TRPM3: variants seen among roughly 807,000 people sequenced by gnomAD.
The protein encoded by TRPM3 is long transient receptor potential channel 3.
In TRPM3, 77 loss-of-function variants were observed where a neutral mutation model predicts 181.2. The ratio of observed to expected loss-of-function variants is 0.42; its 90% CI spans 0.35 to 0.51. The LOEUF is 0.51. TRPM3 is among the 20% of genes least tolerant of loss of function. The pLI is 0.01. For synonymous variants in TRPM3, 745 were observed against 796.4 expected (o/e 0.94, Z 1.09); for missense variants, 1,759 against 2,196.7 (o/e 0.80, Z 3.98).
intron 1 of TRPM3, among the ~76,000 whole-genome samples, chr9:70,977,731 A>G (rs959000193): frequency 6.6e-6 from 1 of 152,176 alleles, no homozygotes; most frequent in African/African-American, 2.4e-5. Context: ...AGAACAGCTC[A>G]TGGAACTCAG....
chr9:70,852,672 A>G (rs1432290300), intron 3 of TRPM3, among the ~76,000 whole-genome samples: 1 of 152,070 alleles, frequency 6.6e-6, no homozygotes, highest in Non-Finnish European at 1.5e-5. Flanking sequence ...GGACCATATT[A>G]TTTCTCAATT....
At chr9:71,318,292 T>C (rs1188953561) in intron 1 of TRPM3, among the ~76,000 whole-genome samples, 2 of 152,182 alleles carry the variant, frequency 1.3e-5, no homozygotes, top group African/African-American at 2.4e-5. Flanking sequence ...GTTCCATGAA[T>C]ATGTCATTAT....
At chr9:70,658,119 A>C (rs1303741140) in intron 9 of TRPM3, among the ~76,000 whole-genome samples, 1 of 152,174 alleles carries the variant, frequency 6.6e-6, no homozygotes, top group Non-Finnish European at 1.5e-5. Context: ...ATTGTTTATA[A>C]AATTTTGAAA....
Position 70,809,989 on chromosome 9 carries a change from T to G in TRPM3, c.973+17858A>C, listed in dbSNP as rs779027118. On this transcript the variant is annotated intron_variant, in intron 6 of 25. Coordinates refer to ENST00000677713, the MANE Select transcript of TRPM3 (RefSeq NM_001366145.2). The stretch of plus-strand genomic sequence containing the variant: ...TCAAAAAAGATGCCAGTGATGACAA[T>G]TGAACGTCCCTTTGCCTTCCCAGCC... 5.6e-6 allele frequency: 3 copies of G among 534,566 alleles called. No individual in the cohort carries two copies. In the African/African-American group the frequency reaches 5.8e-5, roughly 10 times the overall value. The allele number at this position is 534,566 out of a possible 1,614,324, so 33.1% of individuals were successfully genotyped here. A position where few individuals can be genotyped will look rare whatever the true frequency, so the allele number is the denominator to read the frequency against.
At chr9:71,039,653 G>C (rs1408750247) in intron 1 of TRPM3, among the ~76,000 whole-genome samples, 1 of 152,074 alleles carries the variant, frequency 6.6e-6, no homozygotes, top group Non-Finnish European at 1.5e-5. Context: ...GACATAAACA[G>C]GTCCCAATTC....
chr9:71,218,213 G>A lies in TRPM3; in HGVS notation c.183+228440C>T, dbSNP rs75028493. ...TGCACATAGAATTTTGGGAAGTGAA[G>A]CAGGCATACAGTTTGTCTGTTTATT... On this transcript the variant is annotated intron_variant, in intron 1 of 24. Coordinates refer to the TRPM3 transcript ENST00000357533. 2.0e-5 allele frequency among the ~76,000 whole-genome samples: 3 copies of A among 152,294 alleles called. No individual in the cohort carries two copies. In the East Asian group the frequency reaches 5.8e-4, roughly 29 times the overall value.
At position 71,037,496 on chromosome 9, in the gene TRPM3, T is replaced by G. The variant is rs181062005; in HGVS notation, c.177+83682A>C. Among the ~76,000 whole-genome samples, 368 of 152,374 alleles carry G rather than the reference T, an allele frequency of 2.4e-3. 1 individual carries two copies. The highest frequency in any genetic ancestry group is 4.2e-3 in the Non-Finnish European group (289 of 68,038). On this transcript the variant is annotated intron_variant, in intron 1 of 25. Transcript: ENST00000677713. ...ATATGTGTGCATATAATATATGGCT[T>G]CAAAAGGAAGACACTTATACGTGTG...
At chr9:70,650,629 GC>G in intron 9 of TRPM3, among the ~76,000 whole-genome samples, 1 of 152,030 alleles carries the variant, frequency 6.6e-6, no homozygotes, top group Non-Finnish European at 1.5e-5. Context: ...GACCAGTTAT[GC>G]TTTTGTTGGA....
At position 71,286,949 on chromosome 9, in the gene TRPM3, A is replaced by T. The variant is rs567105739; in HGVS notation, c.183+159704T>A. 6.2e-3 allele frequency among the ~76,000 whole-genome samples: 887 copies of T among 142,634 alleles called. 13 individuals carry two copies. Among genetic ancestry groups the T allele is most frequent in the African/African-American group, 0.022 (850 of 38,798 alleles). 93.6% of individuals were successfully genotyped at this position (142,634 alleles called of 152,430 possible). A position where few individuals can be genotyped will look rare whatever the true frequency, so the allele number is the denominator to read the frequency against. On this transcript the variant is annotated intron_variant, in intron 1 of 24. Transcript: ENST00000357533. ...ATACTTTTATATATATATAATTTAT[A>T]TTTTATATAAATTATATATAATATA...
chr9:71,225,338 A>AG (rs36018974), intron 1 of TRPM3, among the ~76,000 whole-genome samples: 16 of 151,522 alleles, frequency 1.1e-4, no homozygotes, highest in South Asian at 4.2e-4. Context: ...AAAGTGGTGA[A>AG]GAAAAAAAAA....
intron 1 of TRPM3, among the ~76,000 whole-genome samples, chr9:71,324,415 T>C (rs920970621): frequency 2.0e-5 from 3 of 151,944 alleles, no homozygotes; most frequent in African/African-American, 7.2e-5. Flanking sequence ...CACGATGAGA[T>C]ACCATATTTT....
At chr9:70,935,774 A>C (rs2096823392) in intron 1 of TRPM3, among the ~76,000 whole-genome samples, 1 of 152,216 alleles carries the variant, frequency 6.6e-6, no homozygotes, top group South Asian at 2.1e-4. Flanking sequence ...TGAACATTTA[A>C]AAAAGAAGTG....
intron 1 of TRPM3, among the ~76,000 whole-genome samples, chr9:70,871,764 G>T (rs987564443): frequency 6.6e-6 from 1 of 152,022 alleles, no homozygotes; most frequent in Non-Finnish European, 1.5e-5. Flanking sequence ...AGTTTAGAGT[G>T]AATGTAATTT....
intron 1 of TRPM3, among the ~76,000 whole-genome samples, chr9:71,393,001 T>C (rs1261819054): frequency 6.6e-6 from 1 of 152,050 alleles, no homozygotes; most frequent in Non-Finnish European, 1.5e-5. Flanking sequence ...CCTGGAGCAA[T>C]AGGTATTAAA....
At chr9:70,815,621 T>C (rs559649387) in intron 6 of TRPM3, among the ~76,000 whole-genome samples, 77 of 152,350 alleles carry the variant, frequency 5.1e-4, no homozygotes, top group African/African-American at 1.7e-3. Context: ...TTCTTTCCTA[T>C]GATCTTCCTG....
At chr9:70,755,320 C>G (rs2076865821) in intron 8 of TRPM3, among the ~76,000 whole-genome samples, 1 of 151,714 alleles carries the variant, frequency 6.6e-6, no homozygotes, top group African/African-American at 2.4e-5. Context: ...CAGAAGATCT[C>G]TCCGCAGAAA....
chr9:71,088,908 A>T (rs2065718510), intron 1 of TRPM3, among the ~76,000 whole-genome samples: 2 of 151,702 alleles, frequency 1.3e-5, no homozygotes. Flanking sequence ...GAGGGAGAAA[A>T]GGGTATAATG....
chr9:71,388,717 G>A (rs1434618345), intron 1 of TRPM3, among the ~76,000 whole-genome samples: 2 of 152,058 alleles, frequency 1.3e-5, no homozygotes, highest in South Asian at 2.1e-4. Context: ...TTTAGCTTCA[G>A]AGCAAAGTCA....
At chr9:70,605,934 T>G (rs1013595261) in intron 19 of TRPM3, among the ~76,000 whole-genome samples, 1 of 152,248 alleles carries the variant, frequency 6.6e-6, no homozygotes, top group Admixed American at 6.5e-5. Flanking sequence ...CTCTGCATTT[T>G]AATACTTAAG....
Sources: allele counts gnomAD v4.1 joint callset (sites outside exome capture counted in the v4.1 genomes callset), GRCh38; gene constraint gnomAD v4.1.1; transcripts MANE v1.5; gene names NCBI Gene and HGNC (gene_info 2026-07-23, HGNC 2026-07-21).